The following TJP1 variants were observed in gnomAD, a reference collection of about 807,000 sequenced individuals.
The protein encoded by TJP1 is tight junction protein 1.
TJP1 carries 43 observed loss-of-function variants against 194.2 expected under a neutral mutation model. The observed-to-expected ratio is 0.22, with a 90% CI of 0.17 to 0.29. The LOEUF (loss-of-function observed/expected upper bound fraction) is 0.29. TJP1 is among the 10% of genes least tolerant of loss of function. The pLI is 1.00. For synonymous variants in TJP1, 801 were observed against 779.0 expected, an observed-to-expected ratio of 1.03 and a Z score of -0.47; for missense variants, 1,971 against 2,185.7, an observed-to-expected ratio of 0.90 and a Z score of 1.96.
chr15:29,960,311 C>T (rs1178015278), intron 1 of TJP1, among the ~76,000 whole-genome samples: 1 of 152,002 alleles, frequency 6.6e-6, no homozygotes, highest in Non-Finnish European at 1.5e-5. Flanking sequence ...ATAAAATGAT[C>T]ATAAACAAAA....
intron 2 of TJP1, among the ~76,000 whole-genome samples, chr15:29,870,298 A>C (rs1242765312): frequency 6.6e-6 from 1 of 152,182 alleles, no homozygotes; most frequent in Admixed American, 6.5e-5. Flanking sequence ...TCATAGGTAA[A>C]TGGTTAAGAA....
At chr15:29,968,418 C>CG (rs1170406930) in intron 1 of TJP1, 3 of 984,770 alleles carry the variant, frequency 3.0e-6, no homozygotes, top group Non-Finnish European at 3.6e-6. Context: ...CGTCGCCCTA[C>CG]GCGCCGCGGG....
At chr15:29,851,419 G>A (rs1161200771) in intron 2 of TJP1, among the ~76,000 whole-genome samples, 1 of 151,682 alleles carries the variant, frequency 6.6e-6, no homozygotes, top group African/African-American at 2.4e-5. Context: ...TAGCCAACAC[G>A]GATGAAACAG....
intron 23 of TJP1, among the ~76,000 whole-genome samples, chr15:29,715,401 G>A (rs1159490606): frequency 6.6e-6 from 1 of 152,182 alleles, no homozygotes; most frequent in Admixed American, 6.5e-5. Context: ...ATATAGGACA[G>A]TGAAAAAAGT....
intron 1 of TJP1, among the ~76,000 whole-genome samples, chr15:29,802,604 T>C (rs1327303993): frequency 2.0e-5 from 3 of 149,240 alleles, no homozygotes; most frequent in Admixed American, 6.7e-5. Flanking sequence ...ACCGGGATAA[T>C]GCACTAAAAA....
At chr15:29,699,636 G>C (rs891869262), downstream of TJP1, 1 of 152,180 alleles carries the variant, frequency 6.6e-6, no homozygotes, top group Non-Finnish European at 1.5e-5. Context: ...GATGGATTCA[G>C]TCCACAAAGG....
At chr15:29,772,194 T>C in intron 3 of TJP1, 28 bp from the exon 4 acceptor site, 5 of 1,388,312 alleles carry the variant, frequency 3.6e-6, no homozygotes, top group South Asian at 1.3e-5. Flanking sequence ...CAAAATAATA[T>C]GTTAGAGAAA....
chr15:29,732,323 A>G, intron 15 of TJP1, 110 bp downstream of exon 15: 3 of 952,794 alleles, frequency 3.1e-6, no homozygotes, highest in South Asian at 1.7e-5. Flanking sequence ...ATAAACTGCT[A>G]ATTTTTCACT....
intron 2 of TJP1, among the ~76,000 whole-genome samples, chr15:29,882,045 T>C (rs1233627540): frequency 6.6e-6 from 1 of 152,122 alleles, no homozygotes; most frequent in Non-Finnish European, 1.5e-5. Context: ...TTTTATAACA[T>C]TAAACCTAGG....
At chr15:29,923,005 C>T (rs576678191) in intron 2 of TJP1, among the ~76,000 whole-genome samples, 3 of 152,234 alleles carry the variant, frequency 2.0e-5, no homozygotes, top group South Asian at 2.1e-4. Context: ...AACAATAACA[C>T]TAATGAACAA....
intron 8 of TJP1, among the ~76,000 whole-genome samples, chr15:29,746,295 G>A (rs567835470): frequency 2.6e-5 from 4 of 151,838 alleles, no homozygotes; most frequent in Non-Finnish European, 4.4e-5. Flanking sequence ...GGAGAATGGC[G>A]TGAACCCGGG....
intron 2 of TJP1, among the ~76,000 whole-genome samples, chr15:29,939,572 G>A (rs1328369395): frequency 2.6e-5 from 4 of 152,188 alleles, no homozygotes; most frequent in African/African-American, 4.8e-5. Context: ...ATGCTGGTGA[G>A]TCATAAGAGA....
intron 4 of TJP1, among the ~76,000 whole-genome samples, chr15:29,768,894 A>T (rs901611267): frequency 6.6e-6 from 1 of 152,238 alleles, no homozygotes; most frequent in Non-Finnish European, 1.5e-5. Flanking sequence ...AGGTAAAATA[A>T]AACAAAATGA....
chr15:29,900,573 C>T (rs2053605080), intron 2 of TJP1, among the ~76,000 whole-genome samples: 2 of 152,162 alleles, frequency 1.3e-5, no homozygotes, highest in African/African-American at 4.8e-5. Context: ...TGGATACATG[C>T]AGAGCTGAGA....
intron 13 of TJP1, 102 bp from the exon 14 acceptor site, chr15:29,732,917 TAC>T (rs1311273641): frequency 7.7e-7 from 1 of 1,296,278 alleles, no homozygotes; most frequent in African/African-American, 1.5e-5. Flanking sequence ...GAAGTTCACA[TAC>T]AGTTTAAATC....
At chr15:29,743,955 C>A (rs1041545858) in intron 8 of TJP1, among the ~76,000 whole-genome samples, 2 of 152,066 alleles carry the variant, frequency 1.3e-5, no homozygotes, top group Admixed American at 6.6e-5. Context: ...CAGAGGCAGG[C>A]GGATCACGAG....
At chr15:29,712,637 C>T (rs1341994839) in intron 23 of TJP1, among the ~76,000 whole-genome samples, 1 of 152,108 alleles carries the variant, frequency 6.6e-6, no homozygotes, top group Non-Finnish European at 1.5e-5. Context: ...TCTGCTGGCC[C>T]ATCCTTCATG....
chr15:29,872,724 A>G (rs1279171518), intron 2 of TJP1, among the ~76,000 whole-genome samples: 6 of 152,146 alleles, frequency 3.9e-5, no homozygotes, highest in Non-Finnish European at 8.8e-5. Context: ...CCTTCATACA[A>G]ACCTCCTTTA....
intron 25 of TJP1, among the ~76,000 whole-genome samples, chr15:29,707,584 G>T (rs1037512865): frequency 1.3e-5 from 2 of 152,050 alleles, no homozygotes; most frequent in Non-Finnish European, 2.9e-5. Flanking sequence ...CTTTATGGTG[G>T]CGTGAAAATG....
Sources: allele counts gnomAD v4.1 joint callset (sites outside exome capture counted in the v4.1 genomes callset), GRCh38; gene constraint gnomAD v4.1.1; transcripts MANE v1.5; gene names NCBI Gene and HGNC (gene_info 2026-07-23, HGNC 2026-07-21).